KLHL20: variants seen among roughly 807,000 people sequenced by gnomAD.
KLHL20 encodes kelch-like protein 20.
A neutral mutation model predicts 69.5 loss-of-function variants in KLHL20; 29 were observed. The observed-to-expected ratio is 0.42, with a 90% CI of 0.31 to 0.57. The LOEUF is 0.57. KLHL20 is among the 20% of genes least tolerant of loss of function. The probability of loss-of-function intolerance (pLI) is 0.18; values close to 1 mark genes in which losing one functional copy is unlikely to be tolerated. For synonymous variants in KLHL20, 253 were observed against 265.2 expected (o/e 0.95, Z 0.45); for missense variants, 419 against 776.0 (o/e 0.54, Z 5.47).
intron 9 of KLHL20, 99 bp downstream of exon 9, chr1:173,774,537 T>G: frequency 1.5e-6 from 2 of 1,372,376 alleles, no homozygotes; most frequent in South Asian, 2.5e-5. Context: ...TATCCTATAA[T>G]TTACTAGGAA....
At chr1:173,733,581 C>G in intron 2 of KLHL20, 132 bp from the exon 3 acceptor site, 1 of 790,284 alleles carries the variant, frequency 1.3e-6, no homozygotes, top group Non-Finnish European at 2.0e-6. Context: ...GACATCATCT[C>G]TACAAAAAAT....
intron 3 of KLHL20, among the ~76,000 whole-genome samples, chr1:173,751,188 G>A (rs971167220): frequency 1.1e-4 from 16 of 152,126 alleles, no homozygotes; most frequent in Non-Finnish European, 1.3e-4. Context: ...CCTTGTTGCC[G>A]TTTCATCTCC....
intron 10 of KLHL20, among the ~76,000 whole-genome samples, chr1:173,776,805 C>T (rs1648503730): frequency 6.6e-6 from 1 of 152,128 alleles, no homozygotes; most frequent in South Asian, 2.1e-4. Flanking sequence ...TAGTCTCATA[C>T]CGTTTTAGTT....
At chr1:173,716,333 T>C (rs745350178) in intron 2 of KLHL20, among the ~76,000 whole-genome samples, 45 of 152,186 alleles carry the variant, frequency 3.0e-4, no homozygotes, top group Non-Finnish European at 5.6e-4. Flanking sequence ...TAAATAATCA[T>C]TAAGTTCATT....
At chr1:173,761,660 A>G (rs61826856) in intron 7 of KLHL20, among the ~76,000 whole-genome samples, 34,791 of 152,214 alleles carry the variant, frequency 0.23, 4,441 homozygotes, top group Middle Eastern at 0.39. Flanking sequence ...CGAAATCAAG[A>G]TGGAAATTTA....
At chr1:173,774,936 G>C (rs1289446621) in intron 9 of KLHL20, among the ~76,000 whole-genome samples, 1 of 151,880 alleles carries the variant, frequency 6.6e-6, no homozygotes, top group Non-Finnish European at 1.5e-5. Context: ...TCAGCCTCCC[G>C]AGTAGCTGGG....
chr1:173,759,762 C>T (rs1240886147), intron 7 of KLHL20, among the ~76,000 whole-genome samples: 1 of 152,142 alleles, frequency 6.6e-6, no homozygotes, highest in Non-Finnish European at 1.5e-5. Context: ...ACAGAGCCTA[C>T]CCCAATGAGA....
At chr1:173,758,939 C>G (rs1029664161) in intron 7 of KLHL20, among the ~76,000 whole-genome samples, 2 of 152,192 alleles carry the variant, frequency 1.3e-5, no homozygotes, top group Admixed American at 6.5e-5. Flanking sequence ...AAAACTAAAG[C>G]CCTTTTCTCT....
intron 8 of KLHL20, among the ~76,000 whole-genome samples, chr1:173,768,007 T>C (rs1647841332): frequency 1.3e-5 from 2 of 152,186 alleles, no homozygotes; most frequent in Non-Finnish European, 2.9e-5. Flanking sequence ...TTTCAGATTA[T>C]ATTCTATATA....
intron 3 of KLHL20, among the ~76,000 whole-genome samples, chr1:173,746,332 C>A (rs1673057216): frequency 6.6e-6 from 1 of 152,126 alleles, no homozygotes; most frequent in African/African-American, 2.4e-5. Flanking sequence ...TGCTCTGAAA[C>A]AAATGTACTA....
intron 7 of KLHL20, among the ~76,000 whole-genome samples, chr1:173,758,147 G>A (rs1673637026): frequency 6.6e-6 from 1 of 151,874 alleles, no homozygotes; most frequent in African/African-American, 2.4e-5. Context: ...GTGCACGCCT[G>A]TGAGTCCCAG....
At chr1:173,724,401 T>C (rs1050930384) in intron 2 of KLHL20, among the ~76,000 whole-genome samples, 1 of 152,210 alleles carries the variant, frequency 6.6e-6, no homozygotes. Context: ...TGCTTCTTTA[T>C]ATTACTTAGA....
chr1:173,774,311 T>G lies in KLHL20; in HGVS notation c.1302T>G (p.Asp434Glu). 6 of 1,614,142 alleles carry G rather than the reference T, an allele frequency of 3.7e-6. No homozygotes were observed. The highest frequency in any genetic ancestry group is 5.1e-6 in the Non-Finnish European group (6 of 1,180,018). Reference protein sequence around the residue: ...VSCLNIVERYDPKENKWTRVA... With the variant: ...VSCLNIVERYEPKENKWTRVA... The stretch of plus-strand genomic sequence containing the variant: ...CTGGTTTCCCTCACTGCAGGTATGA[T>G]CCGAAGGAGAACAAGTGGACTCGGG... Residue 434 changes from aspartate (D) to glutamate (E), a missense_variant, in exon 9 of 12, where the codon GAT (aspartate) becomes GAG (glutamate). Transcript: ENST00000209884.
At chr1:173,762,851 A>G (rs1172980339) in intron 7 of KLHL20, among the ~76,000 whole-genome samples, 1 of 152,210 alleles carries the variant, frequency 6.6e-6, no homozygotes, top group East Asian at 1.9e-4. Flanking sequence ...CTCCTCTTCA[A>G]CATAGTACTG....
intron 11 of KLHL20, among the ~76,000 whole-genome samples, chr1:173,784,148 AC>A (rs1649059856): frequency 6.6e-6 from 1 of 152,194 alleles, no homozygotes. Flanking sequence ...AGGGAGACAA[AC>A]AGTACCATAC....
Position 173,716,326 on chromosome 1 carries a change from A to G in KLHL20, c.23+260A>G, listed in dbSNP as rs545952355. Among the ~76,000 whole-genome samples the G allele has an allele frequency of 4.8e-3, 732 of 152,262 alleles. 6 individuals carry two copies. Among genetic ancestry groups the G allele is most frequent in the African/African-American group, 0.015 (612 of 41,542 alleles). On this transcript the variant is annotated intron_variant, in intron 2 of 11. Transcript: ENST00000209884. Reference sequence around the variant, plus strand: ...CCTTTTTTCATGTTTTTTACAGTAAATAATCATTAAGTTCATTATGATACT... The same window carrying G: ...CCTTTTTTCATGTTTTTTACAGTAAGTAATCATTAAGTTCATTATGATACT...
At chr1:173,739,203 T>C (rs1672677406) in intron 3 of KLHL20, among the ~76,000 whole-genome samples, 1 of 151,912 alleles carries the variant, frequency 6.6e-6, no homozygotes, top group Admixed American at 6.6e-5. Flanking sequence ...CTCCCGAGTA[T>C]CTGGAACTAC....
At chr1:173,772,508 T>A (rs1012376877) in intron 8 of KLHL20, among the ~76,000 whole-genome samples, 14 of 152,200 alleles carry the variant, frequency 9.2e-5, no homozygotes, top group African/African-American at 3.4e-4. Flanking sequence ...AAACATAAAA[T>A]GAAGTGAACA....
At chr1:173,728,026 C>T (rs1672063977) in intron 2 of KLHL20, among the ~76,000 whole-genome samples, 1 of 152,084 alleles carries the variant, frequency 6.6e-6, no homozygotes, top group Admixed American at 6.6e-5. Flanking sequence ...CAGAGACACA[C>T]ATAGGTTCAA....
Sources: allele counts gnomAD v4.1 joint callset (sites outside exome capture counted in the v4.1 genomes callset), GRCh38; gene constraint gnomAD v4.1.1; transcripts MANE v1.5; gene names NCBI Gene and HGNC (gene_info 2026-07-23, HGNC 2026-07-21).